Variants in CARS1 observed in about 807,000 individuals in gnomAD.
The protein encoded by CARS1 is cysteine--tRNA ligase, cytoplasmic.
Under a neutral mutation model 106.2 loss-of-function variants are expected in CARS1, and 48 were observed. The ratio of observed to expected loss-of-function variants is 0.45; its 90% CI spans 0.36 to 0.57. CARS1 has a LOEUF of 0.57. CARS1 is among the 20% of genes least tolerant of loss of function. CARS1 has a pLI of 0.00. For synonymous variants in CARS1, 409 were observed against 403.4 expected (o/e 1.01, Z -0.17); for missense variants, 968 against 1,057.2 (o/e 0.92, Z 1.17).
Position 3,038,915 on chromosome 11 carries a change from G to GT in CARS1, c.651+278dup, listed in dbSNP as rs1312616302. On this transcript the variant is annotated intron_variant, in intron 6 of 22. Coordinates refer to ENST00000380525, the MANE Select transcript of CARS1 (RefSeq NM_001014437.3). This position sits in a 1 kb window ranked among gnomAD's most constrained non-coding sequence, Gnocchi z 4.0. ...AATATTGGTAAGCATTTTTATAAGTGTAATTAGTGGCACTGTGATGAATTC... is the reference window on the plus strand; with the variant it reads ...AATATTGGTAAGCATTTTTATAAGTGTTAATTAGTGGCACTGTGATGAATTC... Among the ~76,000 whole-genome samples the GT allele has an allele frequency of 2.0e-5, 3 of 152,074 alleles. No homozygotes were observed. The highest frequency in any genetic ancestry group is 7.3e-5 in the African/African-American group (3 of 41,368).
Position 3,039,684 on chromosome 11 carries a change from GTAATAT to G in CARS1, c.552+145_552+150del, listed in dbSNP as rs1854168167. On this transcript the variant is annotated intron_variant, in intron 5 of 22. Transcript: ENST00000380525. The surrounding 1 kb of genome is among the most constrained non-coding windows in gnomAD (Gnocchi z 5.6). The stretch of plus-strand genomic sequence containing the variant: ...AATGATCATATCAGTAGCAGAAGTG[GTAATAT>G]TAACTCACTGAGGGGATTAAAATGA... The G allele has an allele frequency of 1.8e-5, 10 of 561,926 alleles. No homozygotes were observed. The highest frequency in any genetic ancestry group is 1.1e-4 in the Admixed American group (3 of 27,200). The allele number at this position is 561,926 out of a possible 1,614,324, so 34.8% of individuals were successfully genotyped here. A position where few individuals can be genotyped will look rare whatever the true frequency, so the allele number is the denominator to read the frequency against.
intron 21 of CARS1, 128 bp downstream of exon 21, chr11:3,002,413 C>T (rs1254759221): frequency 1.3e-5 from 20 of 1,508,944 alleles, no homozygotes; most frequent in African/African-American, 8.4e-5. Context: ...AGGCAGAAAG[C>T]GGAGCTCCTT....
rs550841254 is a variant in CARS1 at position 3,049,828 on chromosome 11, C to T, written c.26-1827G>A. On this transcript the variant is annotated intron_variant, in intron 1 of 22. Transcript: ENST00000380525. ...TTTACTCCTGGCACAGAGCCAGAGT[C>T]ACCCCAACCAAGCCCACACAGCTTC... 7.9e-5 allele frequency among the ~76,000 whole-genome samples: 12 copies of T among 152,362 alleles called. No individual in the cohort carries two copies. In the South Asian group the frequency reaches 2.5e-3, roughly 32 times the overall value.
At chr11:3,047,185 G>A (rs1234714902) in intron 2 of CARS1, among the ~76,000 whole-genome samples, 3 of 151,252 alleles carry the variant, frequency 2.0e-5, no homozygotes, top group South Asian at 2.1e-4. Flanking sequence ...GCTGAGGCAG[G>A]AGAATGGCAT....
At position 3,028,978 on chromosome 11, in the gene CARS1, G is replaced by C. The variant is rs759530948; in HGVS notation, c.1031+18C>G. ...GTTCTGCAGCCCTTCCCTCCCTAGG[G>C]AAGGCCCTTGTGCTTACCCGTAACC... On this transcript the variant is annotated intron_variant, in intron 9 of 22. Coordinates refer to ENST00000380525, the MANE Select transcript of CARS1 (RefSeq NM_001014437.3). The surrounding 1 kb of genome is among the most constrained non-coding windows in gnomAD (Gnocchi z 4.4). The C allele has an allele frequency of 3.2e-6, 5 of 1,584,308 alleles. No individual in the cohort carries two copies. In the African/African-American group the frequency reaches 4.0e-5, roughly 13 times the overall value.
Position 3,006,949 on chromosome 11 carries a change from A to G in CARS1, c.2079T>C (p.Ile693=). 6.2e-7 allele frequency: 1 copy of G among 1,613,952 alleles called. No homozygotes were observed. The highest frequency in any genetic ancestry group is 8.5e-7 in the Non-Finnish European group (1 of 1,179,910). Residue 693 remains isoleucine, a synonymous_variant, in exon 19 of 23, where the codon ATT becomes ATC. Transcript: ENST00000380525. The stretch of plus-strand genomic sequence containing the variant: ...CCCGCAGGGCATCGCTGAGCTGCAG[A>G]ATCTCAGGGACTGTAGGAGAAGCAG... The part of the protein sequence containing the change: ...KIAREQKVPE[I]LQLSDALRDN...
rs116570099 is a variant in CARS1, at chr11:3,004,381, C to T, written c.2217+985G>A. Among the ~76,000 whole-genome samples, 203 of 152,368 alleles carry T rather than the reference C, an allele frequency of 1.3e-3. No individual in the cohort carries two copies. Among genetic ancestry groups the T allele is most frequent in the African/African-American group, 4.8e-3 (198 of 41,584 alleles). ...GGCTAGGCATAGATGCCTTCCCTGA[C>T]CTTGTACATCCCATCTATCAATCAA... On this transcript the variant is annotated intron_variant, in intron 20 of 22. Transcript: ENST00000380525. This position sits in a 1 kb window ranked among gnomAD's most constrained non-coding sequence, Gnocchi z 5.2.
Position 3,048,243 on chromosome 11 carries a change from G to C in CARS1, c.26-242C>G. 4 of 482,618 alleles carry C rather than the reference G, an allele frequency of 8.3e-6. No individual in the cohort carries two copies. In the South Asian group the frequency reaches 1.4e-4, roughly 17 times the overall value. The allele number at this position is 482,618 out of a possible 1,614,324, so 29.9% of individuals were successfully genotyped here. On this transcript the variant is annotated intron_variant, in intron 1 of 22. Coordinates refer to ENST00000380525, the MANE Select transcript of CARS1 (RefSeq NM_001014437.3). The surrounding 1 kb of genome is among the most constrained non-coding windows in gnomAD (Gnocchi z 5.1). ...GGGTGATGAAAATGCTTTGGAACTA[G>C]ACAGAAATGAAGGCTGCATGACAAC...
rs1851664297 is a variant in CARS1 at position 3,022,563 on chromosome 11, T to TA, written c.1154-2232_1154-2231insT. Reference sequence around the variant, plus strand: ...GCATTGGGCAACAGACCTATTATGGTTACAACACAATGTCTTTCAAGTTTT... The same window carrying TA: ...GCATTGGGCAACAGACCTATTATGGTATACAACACAATGTCTTTCAAGTTTT... On this transcript the variant is annotated intron_variant, in intron 10 of 22. Transcript: ENST00000380525. This position sits in a 1 kb window ranked among gnomAD's most constrained non-coding sequence, Gnocchi z 4.9. Among the ~76,000 whole-genome samples the TA allele has an allele frequency of 6.6e-6, 1 of 152,232 alleles. No individual in the cohort carries two copies. The highest frequency in any genetic ancestry group is 1.5e-5 in the Non-Finnish European group (1 of 68,040).
chr11:3,020,160 G>A lies in CARS1; in HGVS notation c.1266+60C>T. On this transcript the variant is annotated intron_variant, in intron 11 of 22. Coordinates refer to ENST00000380525, the MANE Select transcript of CARS1 (RefSeq NM_001014437.3). The surrounding 1 kb of genome is among the most constrained non-coding windows in gnomAD (Gnocchi z 4.6). ...GAGCGGCCCTCTGCTGGGGGCCTGA[G>A]AGTGTGGCTGGCGCCAGTGCCCCTG... 2.0e-6 allele frequency: 2 copies of A among 992,694 alleles called. No homozygotes were observed. The highest frequency in any genetic ancestry group is 4.8e-5 in the East Asian group (2 of 42,004). 61.5% of individuals were successfully genotyped at this position (992,694 alleles called of 1,614,324 possible).
At chr11:3,009,856 A>G (rs1850279497) in intron 18 of CARS1, among the ~76,000 whole-genome samples, 1 of 152,218 alleles carries the variant, frequency 6.6e-6, no homozygotes, top group African/African-American at 2.4e-5. Context: ...CTCTTTGGCC[A>G]GCCATGAGAT....
rs1854325233 is a variant in CARS1, at chr11:3,040,660, T to C, written c.455+236A>G. The C allele has an allele frequency of 1.5e-5, 10 of 683,406 alleles. No individual in the cohort carries two copies. Among genetic ancestry groups the C allele is most frequent in the South Asian group, 1.4e-4 (9 of 66,396 alleles). 42.3% of individuals were successfully genotyped at this position (683,406 alleles called of 1,614,324 possible). A position where few individuals can be genotyped will look rare whatever the true frequency, so the allele number is the denominator to read the frequency against. On this transcript the variant is annotated intron_variant, in intron 4 of 22. Transcript: ENST00000380525. This position sits in a 1 kb window ranked among gnomAD's most constrained non-coding sequence, Gnocchi z 5.8. The stretch of plus-strand genomic sequence containing the variant: ...GTCCAGCATGTTAGCAGTGGGGCTA[T>C]GGACATTTTCTTTTTGGTGATCTGT...
At chr11:3,027,291 C>G (rs970165702) in intron 9 of CARS1, 9 of 154,578 alleles carry the variant, frequency 5.8e-5, no homozygotes, top group African/African-American at 1.9e-4. Flanking sequence ...AGAGAAGCAG[C>G]GCTACTGCTT....
At chr11:3,047,631 A>G (rs944087657) in intron 2 of CARS1, 122 bp downstream of exon 2, 2 of 1,342,076 alleles carry the variant, frequency 1.5e-6, no homozygotes, top group African/African-American at 2.9e-5. Flanking sequence ...TGCTCGAGAC[A>G]CACTTGGGCG....
intron 9 of CARS1, chr11:3,027,028 G>A (rs1852157833): frequency 2.1e-6 from 1 of 478,136 alleles, no homozygotes; most frequent in South Asian, 2.8e-5. Context: ...CCCTCTGCCT[G>A]GCGTCCTGTG....
At position 3,028,295 on chromosome 11, in the gene CARS1, T is replaced by G; in HGVS notation, c.1031+701A>C. Reference sequence around the variant, plus strand: ...AATAAATATCAGTGCAGCCTGGCATTCGGGGCCACTACCGGTCTCCGCGTC... The same window carrying G: ...AATAAATATCAGTGCAGCCTGGCATGCGGGGCCACTACCGGTCTCCGCGTC... On this transcript the variant is annotated intron_variant, in intron 9 of 22. Transcript: ENST00000380525. The surrounding 1 kb of genome is among the most constrained non-coding windows in gnomAD (Gnocchi z 4.4). The G allele has an allele frequency of 1.9e-6, 1 of 528,326 alleles. No homozygotes were observed. 32.7% of individuals were successfully genotyped at this position (528,326 alleles called of 1,614,324 possible).
rs1160826156 is a variant in CARS1 at position 3,008,524 on chromosome 11, CAGA to C, written c.2069-1568_2069-1566del. On this transcript the variant is annotated intron_variant, in intron 18 of 22. Transcript: ENST00000380525. This position sits in a 1 kb window ranked among gnomAD's most constrained non-coding sequence, Gnocchi z 5.1. ...ATCCCAGCTACTTGGGACGCTGAGG[CAGA>C]AGAATCGCTTGAACCAGGGAGTCGG... The C allele has an allele frequency of 6.6e-6, 1 of 150,752 alleles. No homozygotes were observed. The highest frequency in any genetic ancestry group is 1.5e-5 in the Non-Finnish European group (1 of 68,002). 9.3% of individuals were successfully genotyped at this position (150,752 alleles called of 1,614,324 possible).
Position 3,019,312 on chromosome 11 carries a change from G to C in CARS1, c.1267-45C>G, listed in dbSNP as rs200355943. On this transcript the variant is annotated intron_variant, in intron 11 of 22. Coordinates refer to ENST00000380525, the MANE Select transcript of CARS1 (RefSeq NM_001014437.3). This position sits in a 1 kb window ranked among gnomAD's most constrained non-coding sequence, Gnocchi z 6.2. ...CAGTGACTGACCAGCCTACCCGCTT[G>C]TCCAGGCCTTTATCACTTATCACTC... The C allele has an allele frequency of 8.1e-6, 11 of 1,364,650 alleles. No homozygotes were observed. The highest frequency in any genetic ancestry group is 2.8e-5 in the Admixed American group (1 of 35,382). The allele number at this position is 1,364,650 out of a possible 1,614,324, so 84.5% of individuals were successfully genotyped here.
chr11:3,054,566 CA>C (rs1856007673), intron 1 of CARS1, among the ~76,000 whole-genome samples: 1 of 152,238 alleles, frequency 6.6e-6, no homozygotes, highest in Admixed American at 6.5e-5. Context: ...TGAAGAGAAT[CA>C]TCAAAGGCAG....
Sources: gnomAD v4.1 joint callset for allele counts (sites outside exome capture counted in the v4.1 genomes callset) on GRCh38, gnomAD v4.1.1 for gene constraint, Gnocchi (gnomAD v3.1) non-coding constraint, MANE v1.5 for transcripts, NCBI Gene and HGNC (gene_info 2026-07-23, HGNC 2026-07-21) for gene names.